Variants in PPP1R9A observed in about 807,000 individuals in gnomAD.
PPP1R9A encodes protein phosphatase 1 regulatory subunit 9A.
PPP1R9A carries 59 observed loss-of-function variants against 141.9 expected under a neutral mutation model. That is an observed-to-expected ratio of 0.42 (90% CI 0.34 to 0.52). PPP1R9A has a LOEUF of 0.52. PPP1R9A is among the 20% of genes least tolerant of loss of function. PPP1R9A has a pLI of 0.10. For synonymous variants in PPP1R9A, 500 were observed against 569.7 expected (o/e 0.88, Z 1.74); for missense variants, 1,444 against 1,611.9 (o/e 0.90, Z 1.78).
intron 2 of PPP1R9A, among the ~76,000 whole-genome samples, chr7:95,009,417 G>A (rs937625383): frequency 1.4e-4 from 21 of 152,182 alleles, no homozygotes; most frequent in African/African-American, 4.8e-4. Context: ...GATTCTTAAC[G>A]TCTTCGCCAT....
In PPP1R9A at chr7:95,080,671, G is replaced by A. The variant is rs190504306; in HGVS notation, c.1396-30588G>A. Among the ~76,000 whole-genome samples the A allele has an allele frequency of 9.5e-4, 145 of 152,222 alleles. 1 individual carries two copies. The highest frequency in any genetic ancestry group is 6.8e-3 in the Middle Eastern group (2 of 294). ...AAAAGAACAAAGCTGGAGGCATCAC[G>A]CTACCTGACTTCAAACTATACTTCT... is the stretch of plus-strand genomic sequence containing the variant. On this transcript the variant is annotated intron_variant, in intron 2 of 19. Transcript: ENST00000433360.
At chr7:94,946,925 C>T (rs1795954066) in intron 2 of PPP1R9A, among the ~76,000 whole-genome samples, 1 of 152,050 alleles carries the variant, frequency 6.6e-6, no homozygotes, top group Non-Finnish European at 1.5e-5. Flanking sequence ...TCTGATGTGT[C>T]CTACCTCAGA....
At chr7:94,965,881 A>T (rs951467962) in intron 2 of PPP1R9A, among the ~76,000 whole-genome samples, 1 of 151,752 alleles carries the variant, frequency 6.6e-6, no homozygotes, top group African/African-American at 2.4e-5. Context: ...CTTGATGGGG[A>T]TGGCATTGAA....
intron 2 of PPP1R9A, among the ~76,000 whole-genome samples, chr7:95,064,737 GACT>G (rs1420211079): frequency 6.6e-6 from 1 of 152,130 alleles, no homozygotes; most frequent in African/African-American, 2.4e-5. Flanking sequence ...AATGAGAATT[GACT>G]ACAAGTAGTT....
intron 2 of PPP1R9A, among the ~76,000 whole-genome samples, chr7:95,009,962 A>G (rs112928586): frequency 0.022 from 3,408 of 152,264 alleles, 128 homozygotes; most frequent in African/African-American, 0.078. Context: ...AAATTATTTA[A>G]TGAATGATGT....
intron 2 of PPP1R9A, among the ~76,000 whole-genome samples, chr7:94,920,409 T>G (rs1792640713): frequency 6.6e-6 from 1 of 152,130 alleles, no homozygotes; most frequent in African/African-American, 2.4e-5. Flanking sequence ...CCTAACTTAC[T>G]CTTTCTCATG....
chr7:94,933,658 C>T lies in PPP1R9A; in HGVS notation c.1395+22150C>T, dbSNP rs190785154. 6.2e-3 allele frequency among the ~76,000 whole-genome samples: 937 copies of T among 152,254 alleles called. 1 individual carries two copies. The highest frequency in any genetic ancestry group is 0.011 in the Non-Finnish European group (748 of 68,010). ...TGATGATAATAAAATAGATAACATTCACCATACCAGGCACCAAGTAAAGGG... is the reference window on the plus strand; with the variant it reads ...TGATGATAATAAAATAGATAACATTTACCATACCAGGCACCAAGTAAAGGG... On this transcript the variant is annotated intron_variant, in intron 2 of 19. Coordinates refer to ENST00000433360, the MANE Select transcript of PPP1R9A (RefSeq NM_001166160.2).
chr7:95,215,789 C>G lies in PPP1R9A; in HGVS notation c.1957-10172C>G, dbSNP rs1188913222. Among the ~76,000 whole-genome samples, 3 of 152,310 alleles carry G rather than the reference C, an allele frequency of 2.0e-5. No individual in the cohort carries two copies. The East Asian group carries it at 5.8e-4, about 29-fold the overall frequency. On this transcript the variant is annotated intron_variant, in intron 7 of 19. Coordinates refer to ENST00000433360, the MANE Select transcript of PPP1R9A (RefSeq NM_001166160.2). ...TGTCTACTTTTGAGAAGTGTATGTTCATATCCTTCGCCCACTTTTTGATGG... is the reference window on the plus strand; with the variant it reads ...TGTCTACTTTTGAGAAGTGTATGTTGATATCCTTCGCCCACTTTTTGATGG...
chr7:95,132,992 T>C (rs1159518418), intron 4 of PPP1R9A, among the ~76,000 whole-genome samples: 1 of 152,114 alleles, frequency 6.6e-6, no homozygotes, highest in Non-Finnish European at 1.5e-5. Context: ...AGTGGCAAAT[T>C]CTGGGTTCTT....
intron 7 of PPP1R9A, among the ~76,000 whole-genome samples, chr7:95,210,672 A>G (rs908351453): frequency 6.6e-5 from 10 of 152,296 alleles, no homozygotes; most frequent in Non-Finnish European, 1.3e-4. Context: ...ATTATAAATC[A>G]TTCTACTGTA....
intron 4 of PPP1R9A, among the ~76,000 whole-genome samples, chr7:95,122,679 T>C (rs748042620): frequency 6.6e-5 from 10 of 152,224 alleles, no homozygotes; most frequent in Non-Finnish European, 1.0e-4. Context: ...GCTGTCTACA[T>C]TTAAAACAAA....
At chr7:95,165,037 T>C (rs149493324) in intron 5 of PPP1R9A, among the ~76,000 whole-genome samples, 2,244 of 152,288 alleles carry the variant, frequency 0.015, 36 homozygotes, top group South Asian at 0.043. Context: ...TTCTACCTTA[T>C]CAAGTCTCAG....
chr7:95,119,763 G>A (rs1312461077), intron 3 of PPP1R9A, among the ~76,000 whole-genome samples: 1 of 151,784 alleles, frequency 6.6e-6, no homozygotes, highest in Non-Finnish European at 1.5e-5. Context: ...CGCTTCATTG[G>A]TTTTTAAAAA....
chr7:95,274,283 GA>G, intron 16 of PPP1R9A, 115 bp downstream of exon 16: 2 of 949,404 alleles, frequency 2.1e-6, no homozygotes, highest in Non-Finnish European at 3.1e-6. Flanking sequence ...GATATGCCAA[GA>G]ATTGAGATGG....
chr7:95,076,203 T>G (rs903884130), intron 2 of PPP1R9A, among the ~76,000 whole-genome samples: 2 of 152,202 alleles, frequency 1.3e-5, no homozygotes, highest in Non-Finnish European at 2.9e-5. Context: ...GCACTCAGCC[T>G]ATGTCCTAGT....
intron 2 of PPP1R9A, among the ~76,000 whole-genome samples, chr7:95,087,988 C>T (rs906082671): frequency 5.3e-5 from 8 of 150,640 alleles, no homozygotes; most frequent in Admixed American, 3.3e-4. Flanking sequence ...TCTGGAGATA[C>T]CAGTAAGAGT....
intron 2 of PPP1R9A, among the ~76,000 whole-genome samples, chr7:94,921,446 CAA>C (rs201039573): frequency 2.0e-4 from 18 of 92,058 alleles, no homozygotes; most frequent in Non-Finnish European, 1.2e-4. Context: ...GACTCCGGCT[CAA>C]AAAAAAAAAA....
intron 12 of PPP1R9A, among the ~76,000 whole-genome samples, chr7:95,264,588 TTG>T (rs1800967918): frequency 6.6e-6 from 1 of 152,204 alleles, no homozygotes; most frequent in Non-Finnish European, 1.5e-5. Flanking sequence ...AGGATCCAAT[TTG>T]TAGCAGTATT....
At chr7:95,130,630 CACTT>C (rs1824416096) in intron 4 of PPP1R9A, among the ~76,000 whole-genome samples, 1 of 152,148 alleles carries the variant, frequency 6.6e-6, no homozygotes, top group South Asian at 2.1e-4. Flanking sequence ...AAGCCACAGA[CACTT>C]AACACCAGCC....
Sources: allele counts gnomAD v4.1 joint callset (sites outside exome capture counted in the v4.1 genomes callset), GRCh38; gene constraint gnomAD v4.1.1; transcripts MANE v1.5; gene names NCBI Gene and HGNC (gene_info 2026-07-23, HGNC 2026-07-21).